The following CPA6 variants were observed in gnomAD, a reference collection of about 807,000 sequenced individuals.
CPA6 encodes the protein carboxypeptidase A6.
In CPA6, 58 loss-of-function variants were observed where a neutral mutation model predicts 63.3. The ratio of observed to expected loss-of-function variants is 0.92; its 90% CI spans 0.74 to 1.14. The LOEUF is 1.14. Among genes scored for constraint, CPA6 ranks in the 50% most tolerant of loss-of-function variants. The pLI is 0.00. For missense variants in CPA6, 565 were observed against 526.6 expected, an observed-to-expected ratio of 1.07 and a Z score of -0.71; for synonymous variants, 185 against 179.0, an observed-to-expected ratio of 1.03 and a Z score of -0.27.
In CPA6 at chr8:67,634,281, A is replaced by G. The variant is rs543211183; in HGVS notation, c.117-10030T>C. On this transcript the variant is annotated intron_variant, in intron 1 of 10. Transcript: ENST00000297770. ...GTCGCCCAGGCTGGAGTGCAGTGGC[A>G]CTATCTCGGCTCACTACAAGCTCCG... Among the ~76,000 whole-genome samples, 237 of 147,724 alleles carry G rather than the reference A, an allele frequency of 1.6e-3. 1 individual carries two copies. Among genetic ancestry groups the G allele is most frequent in the African/African-American group, 5.5e-3 (212 of 38,248 alleles).
At chr8:67,481,933 T>G (rs1366665039) in intron 8 of CPA6, among the ~76,000 whole-genome samples, 1 of 152,180 alleles carries the variant, frequency 6.6e-6, no homozygotes, top group African/African-American at 2.4e-5. Context: ...CCCCATCACT[T>G]CCAACAGTCT....
chr8:67,677,111 C>T (rs1173621900), intron 1 of CPA6, among the ~76,000 whole-genome samples: 3 of 152,164 alleles, frequency 2.0e-5, no homozygotes, highest in Non-Finnish European at 4.4e-5. Context: ...TCAGGAGTTG[C>T]ACAGGGTACA....
intron 2 of CPA6, among the ~76,000 whole-genome samples, chr8:67,616,028 T>C (rs1008647854): frequency 6.6e-6 from 1 of 152,180 alleles, no homozygotes; most frequent in African/African-American, 2.4e-5. Context: ...GGTGCAATTT[T>C]GACTGGCCCT....
intron 1 of CPA6, among the ~76,000 whole-genome samples, chr8:67,711,686 TACAC>T (rs5892094): frequency 0.016 from 2,196 of 133,880 alleles, 25 homozygotes; most frequent in South Asian, 0.026. Flanking sequence ...TATGCCTGTG[TACAC>T]ACACACACAC....
Position 67,714,724 on chromosome 8 carries a change from T to A in CPA6, c.116+31290A>T, listed in dbSNP as rs144833726. ...TAAGTGCCTTCCTTAGCTCTCTCAG[T>A]TGTTTTATTGGCAAAGTGGCAGCTC... On this transcript the variant is annotated intron_variant, in intron 1 of 10. Transcript: ENST00000297770. 2.3e-3 allele frequency among the ~76,000 whole-genome samples: 347 copies of A among 152,246 alleles called. 6 individuals carry two copies. The East Asian group carries it at 0.026, about 11-fold the overall frequency.
intron 2 of CPA6, among the ~76,000 whole-genome samples, chr8:67,561,298 A>G (rs1437270583): frequency 6.6e-6 from 1 of 152,190 alleles, no homozygotes. Flanking sequence ...CTCCCTATAA[A>G]GCACTTAAAG....
chr8:67,716,798 T>C (rs1160158051), intron 1 of CPA6, among the ~76,000 whole-genome samples: 1 of 152,226 alleles, frequency 6.6e-6, no homozygotes, highest in African/African-American at 2.4e-5. Context: ...GGCCCCCAGA[T>C]TTATTTTCCT....
chr8:67,610,344 G>A (rs1814772661), intron 2 of CPA6, among the ~76,000 whole-genome samples: 1 of 151,816 alleles, frequency 6.6e-6, no homozygotes, highest in Non-Finnish European at 1.5e-5. Flanking sequence ...CCAGACTCCA[G>A]CTTGGGTGAC....
intron 2 of CPA6, among the ~76,000 whole-genome samples, chr8:67,602,650 C>T (rs1488972684): frequency 6.6e-6 from 1 of 152,172 alleles, no homozygotes. Context: ...TATGACAGTT[C>T]ACTGCCAGAT....
At chr8:67,430,171 G>GTGTATA (rs1225024769) in intron 9 of CPA6, among the ~76,000 whole-genome samples, 21 of 104,884 alleles carry the variant, frequency 2.0e-4, no homozygotes, top group African/African-American at 7.6e-4. Flanking sequence ...GTGTGTGTGT[G>GTGTATA]TATATATTTT....
intron 6 of CPA6, among the ~76,000 whole-genome samples, chr8:67,485,322 C>G (rs1811454600): frequency 1.3e-5 from 2 of 152,008 alleles, no homozygotes; most frequent in South Asian, 4.1e-4. Flanking sequence ...CAAAAACTCC[C>G]TTTTTATTAC....
chr8:67,471,603 A>G (rs1401600148), intron 8 of CPA6, among the ~76,000 whole-genome samples: 3 of 152,124 alleles, frequency 2.0e-5, no homozygotes, highest in Non-Finnish European at 4.4e-5. Context: ...GCTGTTCTGC[A>G]AGACAGAATA....
At chr8:67,622,017 C>T (rs1311770356) in intron 2 of CPA6, among the ~76,000 whole-genome samples, 2 of 152,210 alleles carry the variant, frequency 1.3e-5, no homozygotes, top group Non-Finnish European at 2.9e-5. Flanking sequence ...GTAACCCCTA[C>T]AGTCCTCACA....
At chr8:67,485,832 C>T (rs1195281710) in intron 6 of CPA6, among the ~76,000 whole-genome samples, 2 of 152,102 alleles carry the variant, frequency 1.3e-5, no homozygotes, top group Non-Finnish European at 2.9e-5. Flanking sequence ...TTACCTATGC[C>T]AAAGAACAAG....
intron 8 of CPA6, among the ~76,000 whole-genome samples, chr8:67,471,156 C>T (rs1811048293): frequency 1.3e-5 from 2 of 152,308 alleles, no homozygotes; most frequent in South Asian, 4.1e-4. Context: ...CTGAAACCCA[C>T]CAAAGATTCT....
intron 1 of CPA6, among the ~76,000 whole-genome samples, chr8:67,647,887 A>AC (rs1815748343): frequency 6.6e-6 from 1 of 151,716 alleles, no homozygotes; most frequent in South Asian, 2.1e-4. Context: ...ATCATTTACT[A>AC]CCCCCCTAAA....
At chr8:67,694,740 C>CTGAAAG (rs1427886524) in intron 1 of CPA6, among the ~76,000 whole-genome samples, 1 of 152,200 alleles carries the variant, frequency 6.6e-6, no homozygotes, top group African/African-American at 2.4e-5. Flanking sequence ...CAGGCACTAT[C>CTGAAAG]TGAAAGTGGA....
intron 2 of CPA6, among the ~76,000 whole-genome samples, chr8:67,613,162 C>G (rs998091712): frequency 6.6e-6 from 1 of 152,238 alleles, no homozygotes; most frequent in Non-Finnish European, 1.5e-5. Context: ...TCCCCTACCT[C>G]ATACCCTTGC....
At chr8:67,475,863 CTTTCTTTCTTTCTTTCTCCTTTCTTT>C (rs1563967828) in intron 8 of CPA6, among the ~76,000 whole-genome samples, 10 of 80,762 alleles carry the variant, frequency 1.2e-4, no homozygotes, top group African/African-American at 1.6e-4. Flanking sequence ...TTCTTTCTTT[CTTTCTTTCTTTCTTTCTCCTTTCTTT>C]CTTTCTTTCT....
Sources: allele counts gnomAD v4.1 joint callset (sites outside exome capture counted in the v4.1 genomes callset), GRCh38; gene constraint gnomAD v4.1.1; transcripts MANE v1.5; gene names NCBI Gene and HGNC (gene_info 2026-07-23, HGNC 2026-07-21).